The following ANO3 variants were observed in gnomAD, a reference collection of about 807,000 sequenced individuals.
ANO3 encodes the protein anoctamin 3, also known as anoctamin-3.
Under a neutral mutation model 144.8 loss-of-function variants are expected in ANO3, and 99 were observed. The ratio of observed to expected loss-of-function variants is 0.68; its 90% CI spans 0.58 to 0.81. The LOEUF (loss-of-function observed/expected upper bound fraction) is 0.81. Among genes scored for constraint, ANO3 ranks in the 30% least tolerant of loss-of-function variants. The pLI is 0.00. For missense variants in ANO3, 905 were observed against 1,202.2 expected, an observed-to-expected ratio of 0.75 and a Z score of 3.66; for synonymous variants, 414 against 392.6, an observed-to-expected ratio of 1.05 and a Z score of -0.64.
chr11:26,375,102 C>T (rs1023846953), intron 1 of ANO3, among the ~76,000 whole-genome samples: 1 of 152,064 alleles, frequency 6.6e-6, no homozygotes, highest in Non-Finnish European at 1.5e-5. Flanking sequence ...TCAGTGGGAG[C>T]CTTGAGTTTA....
intron 4 of ANO3, among the ~76,000 whole-genome samples, chr11:26,475,342 T>C (rs141226505): frequency 3.5e-4 from 53 of 152,156 alleles, no homozygotes; most frequent in African/African-American, 1.3e-3. Flanking sequence ...GGATCCAATC[T>C]GAAGTCCAAT....
At chr11:26,295,511 G>C (rs1444911072) in intron 1 of ANO3, among the ~76,000 whole-genome samples, 2 of 96,706 alleles carry the variant, frequency 2.1e-5, no homozygotes, top group Non-Finnish European at 3.6e-5. Context: ...GTGAGACTCT[G>C]TCTCAAAAAA....
intron 1 of ANO3, among the ~76,000 whole-genome samples, chr11:26,398,573 T>A (rs1857073734): frequency 6.6e-6 from 1 of 152,110 alleles, no homozygotes. Flanking sequence ...ATTTTAAAAT[T>A]TATTTTCAAA....
At chr11:26,192,840 G>A (rs918649909) in intron 1 of ANO3, among the ~76,000 whole-genome samples, 5 of 152,152 alleles carry the variant, frequency 3.3e-5, no homozygotes, top group Non-Finnish European at 7.3e-5. Flanking sequence ...AAATAGTCCA[G>A]TGAGGGAAAT....
intron 24 of ANO3, among the ~76,000 whole-genome samples, chr11:26,649,409 A>G (rs1241533329): frequency 1.3e-5 from 2 of 152,196 alleles, no homozygotes; most frequent in African/African-American, 4.8e-5. Flanking sequence ...TTTTAGTAAA[A>G]GGCATGTCAT....
chr11:26,579,455 A>G (rs765972217), intron 14 of ANO3, among the ~76,000 whole-genome samples: 7 of 152,186 alleles, frequency 4.6e-5, no homozygotes, highest in Non-Finnish European at 8.8e-5. Context: ...AGATTTTGAA[A>G]TCAAGTCCAC....
chr11:26,189,285 G>A, exon 1 of ANO3: 1 of 985,350 alleles, frequency 1.0e-6, no homozygotes, highest in Non-Finnish European at 1.2e-6. Flanking sequence ...ACTCTCTGGT[G>A]ATTCTAGTCA....
intron 1 of ANO3, among the ~76,000 whole-genome samples, chr11:26,423,573 C>T (rs774162643): frequency 2.0e-5 from 3 of 151,726 alleles, no homozygotes; most frequent in South Asian, 4.2e-4. Context: ...AAAAGATCAA[C>T]GTAAGAAATA....
At chr11:26,277,356 G>T (rs1853580672) in intron 1 of ANO3, among the ~76,000 whole-genome samples, 1 of 152,100 alleles carries the variant, frequency 6.6e-6, no homozygotes, top group African/African-American at 2.4e-5. Context: ...CTTTAGCATA[G>T]ATGGATCATG....
Position 26,547,315 on chromosome 11 carries a change from C to T in ANO3, c.1155-101C>T. 3 of 1,217,450 alleles carry T rather than the reference C, an allele frequency of 2.5e-6. No individual in the cohort carries two copies. In the South Asian group the frequency reaches 4.1e-5, roughly 17 times the overall value. 75.4% of individuals were successfully genotyped at this position (1,217,450 alleles called of 1,614,324 possible). ...GGAGCTGAGGAGGAACTGAGTGTAG[C>T]TTCAAGTTACCATCTGAAATTCTGA... On this transcript the variant is annotated intron_variant, in intron 11 of 26. Transcript: ENST00000256737.
At chr11:26,294,453 A>C (rs1402892290) in intron 1 of ANO3, among the ~76,000 whole-genome samples, 2 of 150,350 alleles carry the variant, frequency 1.3e-5, no homozygotes, top group African/African-American at 5.0e-5. Context: ...CATGTATTAC[A>C]TGTTGATTTG....
At chr11:26,248,061 C>T (rs933035896) in intron 1 of ANO3, among the ~76,000 whole-genome samples, 4 of 151,986 alleles carry the variant, frequency 2.6e-5, no homozygotes, top group African/African-American at 9.7e-5. Flanking sequence ...GAAGGATTGG[C>T]CGAGCATGGT....
chr11:26,594,129 T>G (rs539195171), intron 14 of ANO3, among the ~76,000 whole-genome samples: 4 of 152,320 alleles, frequency 2.6e-5, no homozygotes, highest in East Asian at 1.9e-4. Context: ...CCCTGTGTTA[T>G]AGTGGACATC....
intron 1 of ANO3, among the ~76,000 whole-genome samples, chr11:26,372,486 T>C (rs1856289376): frequency 6.6e-6 from 1 of 152,230 alleles, no homozygotes; most frequent in South Asian, 2.1e-4. Flanking sequence ...TTGTTCTTTT[T>C]ATAGAAGAGG....
At chr11:26,338,715 C>T (rs951340785) in intron 1 of ANO3, among the ~76,000 whole-genome samples, 1 of 151,996 alleles carries the variant, frequency 6.6e-6, no homozygotes, top group Non-Finnish European at 1.5e-5. Flanking sequence ...GGAGAAACAA[C>T]TCCAGACGTG....
At chr11:26,626,817 G>C (rs559919244) in intron 18 of ANO3, among the ~76,000 whole-genome samples, 1 of 149,234 alleles carries the variant, frequency 6.7e-6, no homozygotes, top group African/African-American at 2.5e-5. Context: ...TATGATTTTT[G>C]TTGGGATTTC....
chr11:26,236,825 A>C (rs1852540524), intron 1 of ANO3, among the ~76,000 whole-genome samples: 1 of 151,660 alleles, frequency 6.6e-6, no homozygotes, highest in Non-Finnish European at 1.5e-5. Context: ...CTCAAAAAAA[A>C]AAAAAAAAAA....
At chr11:26,319,537 C>T (rs12224038) in intron 1 of ANO3, among the ~76,000 whole-genome samples, 9,458 of 152,156 alleles carry the variant, frequency 0.062, 553 homozygotes, top group African/African-American at 0.15. Context: ...TACGGGTCAT[C>T]ACTTATGGCT....
At chr11:26,515,492 G>A (rs1443243530) in intron 5 of ANO3, among the ~76,000 whole-genome samples, 2 of 151,794 alleles carry the variant, frequency 1.3e-5, no homozygotes, top group Admixed American at 1.3e-4. Context: ...TGAATATTAG[G>A]CCAATGACAT....
Sources: allele counts gnomAD v4.1 joint callset (sites outside exome capture counted in the v4.1 genomes callset), GRCh38; gene constraint gnomAD v4.1.1; transcripts MANE v1.5; gene names NCBI Gene and HGNC (gene_info 2026-07-23, HGNC 2026-07-21).